Variants in PIBF1 observed in about 807,000 individuals in gnomAD.
PIBF1 encodes progesterone immunomodulatory binding factor 1.
Under a neutral mutation model 112.5 loss-of-function variants are expected in PIBF1, and 90 were observed. The ratio of observed to expected loss-of-function variants is 0.80; its 90% confidence interval spans 0.67 to 0.95. The LOEUF is 0.95. Among genes scored for constraint, PIBF1 ranks in the 40% least tolerant of loss-of-function variants. The pLI, the probability that PIBF1 is intolerant of heterozygous loss-of-function variation, is 0.00. For missense variants in PIBF1, 915 were observed against 852.3 expected (o/e 1.07, Z -0.92); for synonymous variants, 301 against 288.6 (o/e 1.04, Z -0.44).
chr13:72,862,922 A>G (rs1051557241), intron 10 of PIBF1, among the ~76,000 whole-genome samples: 2 of 152,234 alleles, frequency 1.3e-5, no homozygotes, highest in African/African-American at 2.4e-5. Context: ...GATTGTAATC[A>G]TAATTGTTAA....
At chr13:72,957,952 G>A (rs565441038) in intron 14 of PIBF1, among the ~76,000 whole-genome samples, 2 of 151,064 alleles carry the variant, frequency 1.3e-5, no homozygotes, top group Admixed American at 1.3e-4. Context: ...ATCCTATCTC[G>A]GGCAGGGGGG....
At chr13:73,009,582 G>T (rs1022701068) in intron 17 of PIBF1, among the ~76,000 whole-genome samples, 6 of 152,178 alleles carry the variant, frequency 3.9e-5, no homozygotes, top group African/African-American at 1.4e-4. Flanking sequence ...ATGTAAGTAT[G>T]GGCCAGATCC....
In PIBF1 at chr13:72,832,966, T is replaced by G. The variant is rs144941037; in HGVS notation, c.1098-2277T>G. Among the ~76,000 whole-genome samples, 729 of 152,318 alleles carry G rather than the reference T, an allele frequency of 4.8e-3. 4 individuals are homozygous for G. The highest frequency in any genetic ancestry group is 0.016 in the African/African-American group (666 of 41,566). Reference sequence around the variant, plus strand: ...ATTTCTTGGAGGCTTTATTCATTCCTTTTTATTCTTTTGTCTCTAATCTTG... The same window carrying G: ...ATTTCTTGGAGGCTTTATTCATTCCGTTTTATTCTTTTGTCTCTAATCTTG... On this transcript the variant is annotated intron_variant, in intron 8 of 17. Coordinates refer to ENST00000326291, the MANE Select transcript of PIBF1 (RefSeq NM_006346.4).
chr13:72,796,314 A>T (rs1398543368), intron 4 of PIBF1, among the ~76,000 whole-genome samples: 1 of 152,148 alleles, frequency 6.6e-6, no homozygotes, highest in Non-Finnish European at 1.5e-5. Context: ...AAAGGATCTC[A>T]GAGTGGCGAG....
intron 10 of PIBF1, among the ~76,000 whole-genome samples, chr13:72,860,869 T>C (rs2038664126): frequency 6.6e-6 from 1 of 152,192 alleles, no homozygotes; most frequent in African/African-American, 2.4e-5. Flanking sequence ...CTCAACAATT[T>C]GATAAGTAAC....
intron 2 of PIBF1, among the ~76,000 whole-genome samples, chr13:72,790,226 A>G (rs945116306): frequency 6.6e-6 from 1 of 152,144 alleles, no homozygotes; most frequent in South Asian, 2.1e-4. Context: ...AAAATAATAG[A>G]CTAAGGGCAG....
chr13:72,959,603 A>G (rs571835514), intron 14 of PIBF1, among the ~76,000 whole-genome samples: 4 of 152,144 alleles, frequency 2.6e-5, no homozygotes, highest in Admixed American at 6.6e-5. Flanking sequence ...AAGGAAAAAA[A>G]CTCCACATGT....
At chr13:72,975,879 G>A (rs187070915) in intron 16 of PIBF1, among the ~76,000 whole-genome samples, 29 of 152,206 alleles carry the variant, frequency 1.9e-4, no homozygotes, top group Non-Finnish European at 3.4e-4. Context: ...TTTAAGAGTA[G>A]TAACTACAGA....
intron 16 of PIBF1, among the ~76,000 whole-genome samples, chr13:72,976,458 T>C (rs560240599): frequency 3.1e-4 from 47 of 152,346 alleles, no homozygotes; most frequent in African/African-American, 2.6e-4. Context: ...GATGCATATT[T>C]AGATAATTGT....
At position 72,811,150 on chromosome 13, in the gene PIBF1, G is replaced by A. The variant is rs140904126; in HGVS notation, c.673-10699G>A. 1.5e-3 allele frequency among the ~76,000 whole-genome samples: 235 copies of A among 152,220 alleles called. 2 individuals carry two copies. In the East Asian group the frequency reaches 0.028, roughly 18 times the overall value. ...GCTGGGATTATAGGCGTGAGCCACC[G>A]CACCCAGCCAGAACCTCAATTTTTA... On this transcript the variant is annotated intron_variant, in intron 5 of 17. Coordinates refer to ENST00000326291, the MANE Select transcript of PIBF1 (RefSeq NM_006346.4).
intron 16 of PIBF1, among the ~76,000 whole-genome samples, chr13:72,997,532 T>C (rs1048719115): frequency 6.6e-6 from 1 of 152,170 alleles, no homozygotes; most frequent in African/African-American, 2.4e-5. Context: ...CCCTAAAATC[T>C]ATTAAGGTTA....
intron 14 of PIBF1, among the ~76,000 whole-genome samples, chr13:72,947,699 C>G (rs1016155827): frequency 3.9e-5 from 6 of 152,012 alleles, no homozygotes; most frequent in Admixed American, 3.9e-4. Flanking sequence ...GGATCTAGAA[C>G]CAGAAATACC....
At chr13:72,871,763 G>A (rs187509909) in intron 10 of PIBF1, among the ~76,000 whole-genome samples, 98 of 152,250 alleles carry the variant, frequency 6.4e-4, no homozygotes, top group Non-Finnish European at 1.2e-3. Context: ...CCTTATCAGA[G>A]TTCTACGCAA....
intron 5 of PIBF1, among the ~76,000 whole-genome samples, chr13:72,804,753 G>A (rs1406272521): frequency 6.6e-6 from 1 of 152,164 alleles, no homozygotes; most frequent in East Asian, 1.9e-4. Context: ...GTTTCGAGGT[G>A]TCTGTTCTAA....
intron 14 of PIBF1, among the ~76,000 whole-genome samples, chr13:72,949,453 T>C (rs2042240668): frequency 6.6e-6 from 1 of 151,886 alleles, no homozygotes; most frequent in African/African-American, 2.4e-5. Context: ...GTAGCTGGGA[T>C]TACAGGTGTG....
At chr13:72,919,907 G>A (rs1050698518) in intron 13 of PIBF1, among the ~76,000 whole-genome samples, 16 of 152,136 alleles carry the variant, frequency 1.1e-4, no homozygotes, top group African/African-American at 3.6e-4. Flanking sequence ...TCAAGAGGTC[G>A]AGGCAGCAGT....
intron 16 of PIBF1, among the ~76,000 whole-genome samples, chr13:72,979,626 T>C (rs2043105916): frequency 6.6e-6 from 1 of 152,064 alleles, no homozygotes; most frequent in Non-Finnish European, 1.5e-5. Context: ...TTGAAAGCTA[T>C]TTAAGAAGCA....
intron 14 of PIBF1, among the ~76,000 whole-genome samples, chr13:72,945,149 G>T (rs896802249): frequency 2.0e-5 from 3 of 152,128 alleles, no homozygotes; most frequent in African/African-American, 7.2e-5. Flanking sequence ...TGGAGTATTT[G>T]GCTTTCTGTT....
chr13:72,796,352 C>G (rs2035197228), intron 4 of PIBF1, among the ~76,000 whole-genome samples: 1 of 152,076 alleles, frequency 6.6e-6, no homozygotes, highest in Non-Finnish European at 1.5e-5. Context: ...GTCCCAAAAC[C>G]ATATGTTGAG....
Sources: allele counts gnomAD v4.1 joint callset (sites outside exome capture counted in the v4.1 genomes callset), GRCh38; gene constraint gnomAD v4.1.1; transcripts MANE v1.5; gene names NCBI Gene and HGNC (gene_info 2026-07-23, HGNC 2026-07-21).